ZCCHC2: variants seen among roughly 807,000 people sequenced by gnomAD.
ZCCHC2 encodes zinc finger CCHC-type containing 2.
Under a neutral mutation model 103.6 loss-of-function variants are expected in ZCCHC2, and 39 were observed. The ratio of observed to expected loss-of-function variants is 0.38; its 90% CI spans 0.29 to 0.49. ZCCHC2 has a LOEUF of 0.49. Among genes scored for constraint, ZCCHC2 ranks in the 20% least tolerant of loss-of-function variants. The pLI, the probability that ZCCHC2 is intolerant of heterozygous loss-of-function variation, is 0.96. For missense variants in ZCCHC2, 1,483 were observed against 1,491.0 expected (o/e 0.99, Z 0.09); for synonymous variants, 687 against 608.9 (o/e 1.13, Z -1.89).
rs756982284 is a variant in ZCCHC2 at position 62,574,739 on chromosome 18, G to A, written c.2658G>A (p.Glu886=). ...VGLNQMVPQI[E]GNTGTVPQPT... ...TCAATCAAATGGTGCCTCAAATTGA[G>A]GGAAACACAGGGACAGTCCCTCAGC... is the stretch of plus-strand genomic sequence containing the variant. Residue 886 remains glutamate (E), a synonymous_variant, in exon 13 of 14, where the codon GAG becomes GAA. Transcript: ENST00000269499. 6.2e-7 allele frequency: 1 copy of A among 1,613,970 alleles called. No homozygotes were observed. Among genetic ancestry groups the A allele is most frequent in the African/African-American group, 1.3e-5 (1 of 75,024 alleles).
At chr18:62,563,883 C>G (rs751768804) in intron 9 of ZCCHC2, among the ~76,000 whole-genome samples, 10 of 152,100 alleles carry the variant, frequency 6.6e-5, no homozygotes, top group Non-Finnish European at 8.8e-5. Flanking sequence ...GGGATGTTTG[C>G]TTTCTTAAGA....
chr18:62,573,874 C>T (rs1410317843), intron 12 of ZCCHC2, among the ~76,000 whole-genome samples, 183 bp from the exon 13 acceptor site: 3 of 152,116 alleles, frequency 2.0e-5, no homozygotes, highest in Non-Finnish European at 2.9e-5. Flanking sequence ...AAAAATAAAG[C>T]GTTGATCTAA....
chr18:62,552,576 A>G (rs1299454516), intron 5 of ZCCHC2: 1 of 152,158 alleles, frequency 6.6e-6, no homozygotes. Context: ...AGCCATTTTC[A>G]AAAAATGGCT....
At chr18:62,536,881 G>C (rs1914951768) in intron 1 of ZCCHC2, among the ~76,000 whole-genome samples, 1 of 152,174 alleles carries the variant, frequency 6.6e-6, no homozygotes, top group African/African-American at 2.4e-5. Flanking sequence ...GTTAACTTCA[G>C]ACTTCAAAAA....
intron 5 of ZCCHC2, chr18:62,551,958 C>A (rs1174371589): frequency 1.3e-5 from 2 of 152,026 alleles, no homozygotes; most frequent in African/African-American, 4.8e-5. Context: ...ACTGTTACGG[C>A]CCCCCTCCTG....
In ZCCHC2 at chr18:62,564,610, A is replaced by G. The variant is rs1207472684; in HGVS notation, c.1726A>G (p.Lys576Glu). 1.3e-6 allele frequency: 2 copies of G among 1,545,456 alleles called. No individual in the cohort carries two copies. The highest frequency in any genetic ancestry group is 2.0e-5 in the Admixed American group (1 of 49,920). Reference protein sequence around the residue: ...EKRSLSSINKKKGKPQTEKEK... With the variant: ...EKRSLSSINKEKGKPQTEKEK... ...ACGGAGTTTATCTTCAATAAATAAG[A>G]AGAAAGGAAAGCCACAAACAGAAAA... is the stretch of plus-strand genomic sequence containing the variant. Residue 576 changes from lysine to glutamate, a missense_variant, in exon 10 of 14, where the codon AAG becomes GAG. Physicochemically the swap from Lys to Glu is moderately conservative, Grantham distance 56. Coordinates refer to ENST00000269499, the MANE Select transcript of ZCCHC2 (RefSeq NM_017742.6).
Position 62,563,162 on chromosome 18 carries a change from T to G in ZCCHC2, c.1686+18T>G, listed in dbSNP as rs1916201098. ...CTGACCAGGTGTGTGGGGAGTTTGT[T>G]TTGGAGCTATATAGTTAAAGCATTG... is the stretch of plus-strand genomic sequence containing the variant. On this transcript the variant is annotated intron_variant, in intron 9 of 13. Coordinates refer to ENST00000269499, the MANE Select transcript of ZCCHC2 (RefSeq NM_017742.6). 1.2e-6 allele frequency: 2 copies of G among 1,608,224 alleles called. No individual in the cohort carries two copies. The highest frequency in any genetic ancestry group is 2.7e-5 in the African/African-American group (2 of 74,844).
At chr18:62,564,947 A>G in intron 10 of ZCCHC2, 55 bp from the exon 11 acceptor site, 2 of 1,275,550 alleles carry the variant, frequency 1.6e-6, no homozygotes, top group Non-Finnish European at 2.3e-6. Context: ...ACTGTACTGA[A>G]TGTGTTTGGT....
At chr18:62,564,498 T>C in intron 9 of ZCCHC2, 73 bp from the exon 10 acceptor site, 1 of 1,064,728 alleles carries the variant, frequency 9.4e-7, no homozygotes, top group Non-Finnish European at 1.3e-6. Context: ...ATCATTTTAA[T>C]GTTTATTATG....
At chr18:62,532,203 G>T (rs1380035097) in intron 1 of ZCCHC2, among the ~76,000 whole-genome samples, 2 of 152,198 alleles carry the variant, frequency 1.3e-5, no homozygotes, top group Admixed American at 6.5e-5. Context: ...TATATAAAAA[G>T]AATACATGAT....
intron 2 of ZCCHC2, among the ~76,000 whole-genome samples, chr18:62,540,526 A>G (rs1207443317): frequency 1.3e-5 from 2 of 151,860 alleles, no homozygotes; most frequent in Non-Finnish European, 2.9e-5. Context: ...AATGTTGAAC[A>G]TAAGTGTTTA....
At chr18:62,561,420 T>C (rs1598955484) in intron 8 of ZCCHC2, among the ~76,000 whole-genome samples, 2 of 152,266 alleles carry the variant, frequency 1.3e-5, no homozygotes, top group African/African-American at 4.8e-5. Flanking sequence ...CTGTGATTTC[T>C]TACTCATACC....
chr18:62,556,801 C>G (rs1416512243), intron 6 of ZCCHC2, among the ~76,000 whole-genome samples: 3 of 152,030 alleles, frequency 2.0e-5, no homozygotes, highest in Non-Finnish European at 4.4e-5. Context: ...ACAGTTAGGC[C>G]TTTCTTTCAT....
At chr18:62,529,063 G>A (rs952929919) in intron 1 of ZCCHC2, among the ~76,000 whole-genome samples, 2 of 145,042 alleles carry the variant, frequency 1.4e-5, no homozygotes, top group Non-Finnish European at 3.0e-5. Flanking sequence ...AGGAGGCTGA[G>A]ACAAGAGAAT....
downstream of ZCCHC2, among the ~76,000 whole-genome samples, chr18:62,583,379 A>G (rs1185309199): frequency 2.0e-5 from 3 of 152,198 alleles, no homozygotes; most frequent in Non-Finnish European, 4.4e-5. Flanking sequence ...GTAAAAGTTT[A>G]TGGCAAGGCA....
intron 13 of ZCCHC2, 79 bp from the exon 14 acceptor site, chr18:62,576,433 C>T (rs537361156): frequency 6.1e-5 from 77 of 1,266,582 alleles, no homozygotes; most frequent in Non-Finnish European, 8.6e-5. Context: ...AGAGCATGCC[C>T]GTGTGATAGC....
chr18:62,575,442 A>G lies in ZCCHC2; in HGVS notation c.3361A>G (p.Ser1121Gly). ...AGCACCTAACGTAGTTGCCAACACC[A>G]GTGGTTCGGGGCCCAAGAAGAATGG... ...YPAPNVVANT[S>G]GSGPKKNGNV... Residue 1121 changes from serine to glycine, a missense_variant, in exon 13 of 14, where the codon AGT (serine) becomes GGT (glycine). Physicochemically the swap from Ser to Gly is moderately conservative, Grantham distance 56. Around this residue, in one of 3 missense-constraint regions of ZCCHC2, gnomAD observed 884 missense variants for 907.5 expected, o/e 0.97. Coordinates refer to ENST00000269499, the MANE Select transcript of ZCCHC2 (RefSeq NM_017742.6). 6.2e-7 allele frequency: 1 copy of G among 1,614,030 alleles called. No homozygotes were observed. Among genetic ancestry groups the G allele is most frequent in the Non-Finnish European group, 8.5e-7 (1 of 1,179,908 alleles).
intron 13 of ZCCHC2, 116 bp downstream of exon 13, chr18:62,575,666 G>A (rs1916813803): frequency 1.6e-6 from 2 of 1,283,004 alleles, no homozygotes; most frequent in South Asian, 3.0e-5. Flanking sequence ...TTTCGTTTAT[G>A]GATATTGTTT....
chr18:62,585,268 G>A (rs1457583945), exon 15 of ZCCHC2: 1 of 152,250 alleles, frequency 6.6e-6, no homozygotes, highest in African/African-American at 2.4e-5. Context: ...CACAAGTTTT[G>A]CGCACGGAGT....
Sources: gnomAD v4.1 joint callset for allele counts (sites outside exome capture counted in the v4.1 genomes callset) on GRCh38, gnomAD v4.1.1 for gene constraint, gnomAD v4.1.1 regional missense constraint, MANE v1.5 for transcripts, NCBI Gene and HGNC (gene_info 2026-07-23, HGNC 2026-07-21) for gene names.